PRKCE: variants seen among roughly 807,000 people sequenced by gnomAD.
PRKCE encodes the protein protein kinase C epsilon, also known as protein kinase C epsilon type.
Under a neutral mutation model 85.4 loss-of-function variants are expected in PRKCE, and 16 were observed. The observed-to-expected ratio is 0.19, with a 90% confidence interval of 0.13 to 0.28. The LOEUF is 0.28. Among genes scored for constraint, PRKCE ranks in the 10% least tolerant of loss-of-function variants. The pLI, the probability that PRKCE is intolerant of heterozygous loss-of-function variation, is 1.00. For synonymous variants in PRKCE, 388 were observed against 371.5 expected (o/e 1.04, Z -0.51); for missense variants, 573 against 975.2 (o/e 0.59, Z 5.49).
At chr2:46,125,602 C>G (rs1673774786) in intron 11 of PRKCE, among the ~76,000 whole-genome samples, 1 of 152,130 alleles carries the variant, frequency 6.6e-6, no homozygotes, top group Non-Finnish European at 1.5e-5. Flanking sequence ...CTTCATCTAG[C>G]CAAATTCAAC....
chr2:45,660,213 G>A (rs1011459818), intron 1 of PRKCE, among the ~76,000 whole-genome samples: 2 of 152,184 alleles, frequency 1.3e-5, no homozygotes, highest in African/African-American at 2.4e-5. Context: ...ATAGAAACCA[G>A]TTGAATGAAT....
chr2:45,910,047 C>A (rs551998910), intron 2 of PRKCE, among the ~76,000 whole-genome samples: 11 of 151,870 alleles, frequency 7.2e-5, no homozygotes, highest in African/African-American at 1.9e-4. Flanking sequence ...CTCACCGCCC[C>A]CCCCCAGCCA....
At chr2:45,794,472 A>G (rs1281132896) in intron 1 of PRKCE, among the ~76,000 whole-genome samples, 1 of 152,114 alleles carries the variant, frequency 6.6e-6, no homozygotes, top group Non-Finnish European at 1.5e-5. Context: ...ACCAGCCTGG[A>G]TGAAGCAGGG....
chr2:46,086,091 C>G lies in PRKCE; in HGVS notation c.1438-117C>G, dbSNP rs1022666995. On this transcript the variant is annotated intron_variant, in intron 10 of 14. Transcript: ENST00000306156. ...TCAGGTGCTACCAGGATTCACCCAC[C>G]TTTGAGGCTTCTTCCCCCTTGAGTC... is the stretch of plus-strand genomic sequence containing the variant. The G allele has an allele frequency of 3.7e-6, 4 of 1,094,514 alleles. No individual in the cohort carries two copies. In the African/African-American group the frequency reaches 6.3e-5, roughly 17 times the overall value. The allele number at this position is 1,094,514 out of a possible 1,614,324, so 67.8% of individuals were successfully genotyped here.
At chr2:46,112,994 C>A (rs1292202508) in intron 11 of PRKCE, among the ~76,000 whole-genome samples, 1 of 151,954 alleles carries the variant, frequency 6.6e-6, no homozygotes, top group Non-Finnish European at 1.5e-5. Context: ...GTCATAGTAC[C>A]CTCCTCATAG....
At chr2:45,983,104 T>C (rs1203904010) in intron 5 of PRKCE, among the ~76,000 whole-genome samples, 6 of 152,234 alleles carry the variant, frequency 3.9e-5, no homozygotes, top group Admixed American at 3.3e-4. Context: ...TCAGTAGAGC[T>C]GACATTCTTG....
chr2:46,029,184 G>A (rs1429365746), intron 10 of PRKCE, among the ~76,000 whole-genome samples: 1 of 152,078 alleles, frequency 6.6e-6, no homozygotes, highest in East Asian at 1.9e-4. Context: ...CTTAATCTTT[G>A]CAATAGTCCT....
chr2:45,752,968 C>G (rs1354336334), intron 1 of PRKCE, among the ~76,000 whole-genome samples: 1 of 152,112 alleles, frequency 6.6e-6, no homozygotes, highest in Admixed American at 6.5e-5. Context: ...GGAGGAGGGT[C>G]CTTGGGGTTT....
intron 10 of PRKCE, among the ~76,000 whole-genome samples, chr2:46,018,708 A>AAAAGT (rs1706384820): frequency 6.6e-6 from 1 of 152,242 alleles, no homozygotes; most frequent in South Asian, 2.1e-4. Flanking sequence ...CCAGTTTTAG[A>AAAAGT]AAAGTACATG....
chr2:45,758,019 G>T (rs72886143), intron 1 of PRKCE, among the ~76,000 whole-genome samples: 359 of 152,286 alleles, frequency 2.4e-3, no homozygotes, highest in African/African-American at 8.2e-3. Context: ...AATAAGCAAG[G>T]CCTAAAAGAC....
At chr2:45,830,043 A>G (rs1002888046) in intron 1 of PRKCE, among the ~76,000 whole-genome samples, 1 of 140,272 alleles carries the variant, frequency 7.1e-6, no homozygotes, top group African/African-American at 2.7e-5. Context: ...ACTGCACTCC[A>G]GCCTGGGCGA....
intron 10 of PRKCE, among the ~76,000 whole-genome samples, chr2:46,038,022 A>C (rs1187100214): frequency 6.6e-6 from 1 of 152,188 alleles, no homozygotes. Context: ...ATGTGTGTGC[A>C]AGCTCCTGGC....
At chr2:45,973,639 C>A (rs762444419) in intron 2 of PRKCE, among the ~76,000 whole-genome samples, 1 of 152,232 alleles carries the variant, frequency 6.6e-6, no homozygotes, top group Non-Finnish European at 1.5e-5. Context: ...CTTTAAACAG[C>A]TTCCCTCCAG....
At chr2:45,738,071 C>G (rs1334792877) in intron 1 of PRKCE, among the ~76,000 whole-genome samples, 2 of 152,152 alleles carry the variant, frequency 1.3e-5, no homozygotes, top group Admixed American at 1.3e-4. Flanking sequence ...GCGACGCAAA[C>G]CTTTTGTCTG....
At chr2:45,969,623 C>A (rs1701974490) in intron 2 of PRKCE, among the ~76,000 whole-genome samples, 1 of 152,182 alleles carries the variant, frequency 6.6e-6, no homozygotes, top group Non-Finnish European at 1.5e-5. Context: ...AGTTCCCTCA[C>A]CTCCTGTTTG....
intron 2 of PRKCE, among the ~76,000 whole-genome samples, chr2:45,939,209 G>A (rs1304012512): frequency 6.6e-6 from 1 of 152,174 alleles, no homozygotes; most frequent in African/African-American, 2.4e-5. Context: ...TGTGTTTCGG[G>A]AAAGAAATTT....
intron 2 of PRKCE, among the ~76,000 whole-genome samples, chr2:45,961,820 T>C (rs1291148837): frequency 1.3e-5 from 2 of 152,146 alleles, no homozygotes; most frequent in Non-Finnish European, 2.9e-5. Flanking sequence ...CTGAGCTTCC[T>C]GAGTAGCTGG....
intron 2 of PRKCE, among the ~76,000 whole-genome samples, chr2:45,867,787 C>T (rs1011263144): frequency 1.3e-5 from 2 of 152,102 alleles, no homozygotes; most frequent in African/African-American, 4.8e-5. Context: ...TTATTGCTGG[C>T]ATATAGCAGT....
intron 5 of PRKCE, among the ~76,000 whole-genome samples, chr2:45,983,384 C>T (rs946577115): frequency 4.6e-5 from 7 of 152,180 alleles, no homozygotes; most frequent in Non-Finnish European, 7.3e-5. Flanking sequence ...CAAGAGTGAT[C>T]TCCCCAGCCC....
Sources: allele counts gnomAD v4.1 joint callset (sites outside exome capture counted in the v4.1 genomes callset), GRCh38; gene constraint gnomAD v4.1.1; transcripts MANE v1.5; gene names NCBI Gene and HGNC (gene_info 2026-07-23, HGNC 2026-07-21).